FAM200B: variants seen among roughly 807,000 people sequenced by gnomAD.
FAM200B encodes the protein protein FAM200B.
A neutral mutation model predicts 33.1 loss-of-function variants in FAM200B; 32 were observed. The observed-to-expected ratio is 0.97, with a 90% confidence interval of 0.73 to 1.30. The LOEUF (loss-of-function observed/expected upper bound fraction) is 1.30. FAM200B is among the 50% of genes most tolerant of loss of function. FAM200B has a pLI of 0.00. For synonymous variants in FAM200B, 240 were observed against 264.8 expected, an observed-to-expected ratio of 0.91 and a Z score of 0.91; for missense variants, 741 against 754.0, an observed-to-expected ratio of 0.98 and a Z score of 0.20.
In FAM200B at chr4:15,688,900, C is replaced by T. The variant is rs753381127; in HGVS notation, c.1923C>T (p.Ser641=). The change falls in exon 2 of 2, where the codon TCC becomes TCT. Residue 641 remains serine (S), a synonymous_variant. Transcript: ENST00000422728. The part of the protein sequence containing the change: ...CAAVMRVALS[S]CVPDWNELMN... ...CAGTTATGCGGGTAGCATTATCTTC[C>T]TGTGTTCCAGACTGGAATGAACTTA... The T allele has an allele frequency of 6.5e-7, 1 of 1,547,426 alleles. No homozygotes were observed. Among genetic ancestry groups the T allele is most frequent in the African/African-American group, 1.4e-5 (1 of 72,948 alleles).
the FAM200B span, among the ~76,000 whole-genome samples, chr4:15,666,883 G>C: frequency 6.7e-6 from 1 of 148,930 alleles, no homozygotes; most frequent in African/African-American, 2.5e-5. Flanking sequence ...AAAAAAAAAA[G>C]ACAGGCAAAT....
chr4:15,644,556 T>C, the FAM200B span: 3 of 1,614,030 alleles, frequency 1.9e-6, no homozygotes, highest in East Asian at 6.7e-5. Context: ...TGTCAGAATG[T>C]ACATTATAAA....
the FAM200B span, among the ~76,000 whole-genome samples, chr4:15,650,918 C>CAGGA: frequency 6.6e-6 from 1 of 152,098 alleles, no homozygotes; most frequent in African/African-American, 2.4e-5. Context: ...GCATGAGCCA[C>CAGGA]TGCACCCAAC....
At chr4:15,637,260 T>A in the FAM200B span, among the ~76,000 whole-genome samples, 1 of 152,248 alleles carries the variant, frequency 6.6e-6, no homozygotes, top group Non-Finnish European at 1.5e-5. Context: ...CGACAAAATG[T>A]AGATATTTCT....
At chr4:15,674,965 G>A in the FAM200B span, among the ~76,000 whole-genome samples, 1 of 151,938 alleles carries the variant, frequency 6.6e-6, no homozygotes, top group Non-Finnish European at 1.5e-5. Flanking sequence ...GGTTTTTAAT[G>A]ATAAATTAAT....
At chr4:15,681,495 C>A (rs1718267909), upstream of FAM200B, 2 of 163,418 alleles carry the variant, frequency 1.2e-5, no homozygotes, top group South Asian at 1.9e-4. Flanking sequence ...TAGCCCTGTC[C>A]GCGCTCGGCT....
At chr4:15,646,547 T>TTTC in the FAM200B span, among the ~76,000 whole-genome samples, 9 of 151,290 alleles carry the variant, frequency 5.9e-5, no homozygotes, top group Non-Finnish European at 1.3e-4. Context: ...AAATATTTTT[T>TTTC]ATTATTATTA....
At chr4:15,683,105 TCAAGC>T (rs1292648930) in intron 1 of FAM200B, among the ~76,000 whole-genome samples, 1 of 152,168 alleles carries the variant, frequency 6.6e-6, no homozygotes, top group African/African-American at 2.4e-5. Flanking sequence ...TTTTAGACTA[TCAAGC>T]ATTGTAACAA....
the FAM200B span, chr4:15,641,027 A>G: frequency 2.1e-6 from 1 of 484,964 alleles, no homozygotes; most frequent in Non-Finnish European, 3.6e-6. Context: ...CTTTTAACAT[A>G]AAAGATACCC....
intron 1 of FAM200B, among the ~76,000 whole-genome samples, chr4:15,683,253 C>T (rs1016776516): frequency 6.6e-6 from 1 of 152,112 alleles, no homozygotes; most frequent in Non-Finnish European, 1.5e-5. Context: ...AAACTTGCAA[C>T]ATTTTCTACT....
the FAM200B span, among the ~76,000 whole-genome samples, chr4:15,652,356 T>C: frequency 6.6e-6 from 1 of 152,202 alleles, no homozygotes; most frequent in African/African-American, 2.4e-5. Flanking sequence ...AATCTACCAC[T>C]AGCTGCTTAT....
chr4:15,642,424 T>TG, the FAM200B span, among the ~76,000 whole-genome samples: 1 of 151,944 alleles, frequency 6.6e-6, no homozygotes, highest in Admixed American at 6.6e-5. Context: ...TTAGTAGAGA[T>TG]GGGGTTTCAC....
chr4:15,680,713 A>G (rs973505545), upstream of FAM200B, among the ~76,000 whole-genome samples: 1 of 152,040 alleles, frequency 6.6e-6, no homozygotes, highest in African/African-American at 2.4e-5. Flanking sequence ...AGAATCAAAA[A>G]TTTTTAAAAA....
chr4:15,687,924 T>G lies in FAM200B; in HGVS notation c.947T>G (p.Val316Gly). The change falls in exon 2 of 2, where the codon GTT (valine) becomes GGT (glycine). Residue 316 changes from valine (V) to glycine (G), a missense_variant. By Grantham distance (109) the Val-to-Gly change is moderately radical. Coordinates refer to ENST00000422728, the MANE Select transcript of FAM200B (RefSeq NM_001145191.2). ...HSRVIKKLLE[V>G]TNNGAVWNHC... ...AGAGTAATTAAAAAATTACTAGAAG[T>G]TACTAATAATGGTGCTGTGTGGAAT... 1 of 1,550,488 alleles carries G rather than the reference T, an allele frequency of 6.4e-7. No homozygotes were observed. The highest frequency in any genetic ancestry group is 2.4e-5 in the East Asian group (1 of 40,880).
chr4:15,671,435 T>G, the FAM200B span, among the ~76,000 whole-genome samples: 1 of 151,930 alleles, frequency 6.6e-6, no homozygotes, highest in Admixed American at 6.6e-5. Context: ...TATGGTGTAC[T>G]CTGGTTTGGG....
At chr4:15,640,629 T>C in the FAM200B span, among the ~76,000 whole-genome samples, 1 of 152,146 alleles carries the variant, frequency 6.6e-6, no homozygotes, top group African/African-American at 2.4e-5. Context: ...ACAAACGTTT[T>C]TTTTTTCCCT....
chr4:15,672,373 G>T, the FAM200B span, among the ~76,000 whole-genome samples: 3 of 152,096 alleles, frequency 2.0e-5, no homozygotes, highest in Non-Finnish European at 4.4e-5. Flanking sequence ...GCACCTTTAG[G>T]TAATTTCATC....
At chr4:15,651,507 C>A in the FAM200B span, among the ~76,000 whole-genome samples, 1,213 of 152,238 alleles carry the variant, frequency 8.0e-3, 15 homozygotes, top group African/African-American at 0.026. Context: ...CCACAGGTCT[C>A]AATTCAATAT....
the FAM200B span, chr4:15,656,127 G>T: frequency 8.8e-6 from 4 of 454,770 alleles, no homozygotes; most frequent in East Asian, 2.8e-4. Flanking sequence ...GGCCTTGGGG[G>T]TGGGGAGAAG....
Sources: allele counts gnomAD v4.1 joint callset (sites outside exome capture counted in the v4.1 genomes callset), GRCh38; gene constraint gnomAD v4.1.1; transcripts MANE v1.5; gene names NCBI Gene and HGNC (gene_info 2026-07-23, HGNC 2026-07-21).